The following RSF1 variants were observed in gnomAD, a reference collection of about 807,000 sequenced individuals.
RSF1 encodes HBV pX-associated protein 8.
RSF1 carries 13 observed loss-of-function variants against 145.2 expected under a neutral mutation model. The observed-to-expected ratio is 0.09, with a 90% CI of 0.06 to 0.14. The LOEUF (loss-of-function observed/expected upper bound fraction) is 0.14. Ranked by LOEUF, RSF1 falls within the 10% of genes least tolerant of loss-of-function variation. RSF1 has a pLI of 1.00. For synonymous variants in RSF1, 577 were observed against 592.6 expected (o/e 0.97, Z 0.38); for missense variants, 1,517 against 1,718.2 (o/e 0.88, Z 2.07).
chr11:77,689,404 C>A (rs1487698219), intron 9 of RSF1, among the ~76,000 whole-genome samples: 1 of 152,226 alleles, frequency 6.6e-6, no homozygotes, highest in African/African-American at 2.4e-5. Context: ...TTACAAAAAT[C>A]TATCTCCTAC....
intron 1 of RSF1, among the ~76,000 whole-genome samples, chr11:77,807,996 G>C (rs1301143910): frequency 1.3e-5 from 2 of 152,244 alleles, no homozygotes; most frequent in South Asian, 2.1e-4. Flanking sequence ...TATTCAAGAA[G>C]AAAATTATTT....
intron 2 of RSF1, among the ~76,000 whole-genome samples, chr11:77,750,843 TC>T (rs1262169583): frequency 6.6e-6 from 1 of 152,218 alleles, no homozygotes; most frequent in African/African-American, 2.4e-5. Context: ...TAATACTTGT[TC>T]TTTGTTTGAT....
the RSF1 span, among the ~76,000 whole-genome samples, chr11:77,854,694 G>A: frequency 5.3e-5 from 8 of 152,140 alleles, no homozygotes; most frequent in African/African-American, 1.4e-4. Context: ...GAGTGCCTGC[G>A]GGTTTTCCAG....
At chr11:77,693,458 AT>A in intron 8 of RSF1, 48 bp downstream of exon 8, 1 of 1,180,492 alleles carries the variant, frequency 8.5e-7, no homozygotes, top group Non-Finnish European at 1.3e-6. Context: ...ACAGTTATTA[AT>A]TTGAATACAA....
At chr11:77,730,696 G>C (rs577237128) in intron 4 of RSF1, among the ~76,000 whole-genome samples, 4 of 152,276 alleles carry the variant, frequency 2.6e-5, no homozygotes, top group Admixed American at 6.5e-5. Flanking sequence ...TGAATTATGG[G>C]ATGTGTCTTT....
chr11:77,786,383 GTAT>G (rs1948457078), intron 1 of RSF1, among the ~76,000 whole-genome samples: 1 of 152,110 alleles, frequency 6.6e-6, no homozygotes, highest in Admixed American at 6.5e-5. Context: ...GTAAATAAAT[GTAT>G]TATTTATTTA....
At chr11:77,819,593 C>A (rs2135997125) in intron 1 of RSF1, among the ~76,000 whole-genome samples, 1 of 152,330 alleles carries the variant, frequency 6.6e-6, no homozygotes, top group African/African-American at 2.4e-5. Context: ...ACATGAGCAA[C>A]AAGCACCTTC....
At position 77,701,554 on chromosome 11, in the gene RSF1, T is replaced by G. The variant is rs930735800; in HGVS notation, c.1675A>C (p.Thr559Pro). The change falls in exon 6 of 16, where the codon ACC becomes CCC. Residue 559 changes from threonine (T) to proline (P), a missense_variant. Transcript: ENST00000308488. The stretch of plus-strand genomic sequence containing the variant: ...TCACCTTTCATGGTACACGACTCGG[T>G]GGAAGATAAAGCAGTTTTTGAAGAG... ...DLSSKTALSS[T>P]ESCTMKGEEK... 6.2e-7 allele frequency: 1 copy of G among 1,613,938 alleles called. No individual in the cohort carries two copies. The highest frequency in any genetic ancestry group is 1.3e-5 in the African/African-American group (1 of 74,880).
chr11:77,676,490 T>C (rs973405312), intron 13 of RSF1, among the ~76,000 whole-genome samples: 1 of 152,204 alleles, frequency 6.6e-6, no homozygotes, highest in African/African-American at 2.4e-5. Flanking sequence ...CTCATGGACC[T>C]GGCAGAAGGT....
chr11:77,841,037 C>T, the RSF1 span: 1 of 580,598 alleles, frequency 1.7e-6, no homozygotes, highest in East Asian at 2.8e-5. Context: ...GCTGGGAAGT[C>T]CAAGACCAGT....
chr11:77,716,290 A>G (rs1478206304), intron 5 of RSF1, among the ~76,000 whole-genome samples: 1 of 152,190 alleles, frequency 6.6e-6, no homozygotes, highest in Non-Finnish European at 1.5e-5. Flanking sequence ...AAAGAAAATG[A>G]AACCAGTTTG....
chr11:77,709,704 T>A (rs985368204), intron 5 of RSF1, among the ~76,000 whole-genome samples: 6 of 150,346 alleles, frequency 4.0e-5, no homozygotes, highest in Non-Finnish European at 7.4e-5. Context: ...CTTTTTTTTT[T>A]AAATGTTTTT....
chr11:77,694,244 A>G (rs2135843983), intron 7 of RSF1, among the ~76,000 whole-genome samples: 1 of 152,350 alleles, frequency 6.6e-6, no homozygotes, highest in South Asian at 2.1e-4. Context: ...AAGCTCAAGT[A>G]TCAAAGACTA....
At chr11:77,833,184 A>G in the RSF1 span, among the ~76,000 whole-genome samples, 104 of 151,162 alleles carry the variant, frequency 6.9e-4, 3 homozygotes, top group East Asian at 0.018. Context: ...TAATGTTTGC[A>G]TTTTTAGTAG....
At chr11:77,775,723 C>T (rs1204174246) in intron 1 of RSF1, among the ~76,000 whole-genome samples, 1 of 152,152 alleles carries the variant, frequency 6.6e-6, no homozygotes, top group African/African-American at 2.4e-5. Flanking sequence ...TAGCTGGAAG[C>T]CAGAAGTTTA....
the RSF1 span, among the ~76,000 whole-genome samples, chr11:77,865,647 G>C: frequency 2.0e-5 from 3 of 152,312 alleles, no homozygotes; most frequent in South Asian, 6.2e-4. Context: ...GATTTTGAAA[G>C]AACAACTAGT....
intron 7 of RSF1, 53 bp downstream of exon 7, chr11:77,698,434 C>T (rs1441993618): frequency 4.7e-6 from 7 of 1,502,004 alleles, no homozygotes; most frequent in Non-Finnish European, 6.5e-6. Flanking sequence ...CTGCTCCAGG[C>T]AACCTCACCA....
chr11:77,758,218 C>T (rs1373949892), intron 2 of RSF1, among the ~76,000 whole-genome samples: 4 of 151,966 alleles, frequency 2.6e-5, no homozygotes, highest in African/African-American at 9.7e-5. Context: ...CATGGTTTTA[C>T]CACTCACAAA....
At chr11:77,772,484 A>C (rs1199920670) in intron 1 of RSF1, among the ~76,000 whole-genome samples, 1 of 152,112 alleles carries the variant, frequency 6.6e-6, no homozygotes, top group Non-Finnish European at 1.5e-5. Context: ...TGTTTCTCAT[A>C]CTTTTCATCA....
Sources: gnomAD v4.1 joint callset for allele counts (sites outside exome capture counted in the v4.1 genomes callset) on GRCh38, gnomAD v4.1.1 for gene constraint, MANE v1.5 for transcripts, NCBI Gene and HGNC (gene_info 2026-07-23, HGNC 2026-07-21) for gene names.